The following CYTH1 variants were observed in gnomAD, a reference collection of about 807,000 sequenced individuals.
CYTH1 encodes cytohesin-1.
Under a neutral mutation model 61.8 loss-of-function variants are expected in CYTH1, and 18 were observed. The ratio of observed to expected loss-of-function variants is 0.29; its 90% CI spans 0.20 to 0.43. The LOEUF (loss-of-function observed/expected upper bound fraction) is 0.43. Ranked by LOEUF, CYTH1 falls within the 20% of genes least tolerant of loss-of-function variation. The pLI is 1.00. For synonymous variants in CYTH1, 174 were observed against 184.3 expected (o/e 0.94, Z 0.45); for missense variants, 336 against 510.5 (o/e 0.66, Z 3.29).
At chr17:78,681,922 G>GC (rs2092768644) in intron 11 of CYTH1, among the ~76,000 whole-genome samples, 1 of 151,848 alleles carries the variant, frequency 6.6e-6, no homozygotes, top group African/African-American at 2.4e-5. Flanking sequence ...ATCCTGGCTA[G>GC]CAACTATTTC....
intron 1 of CYTH1, among the ~76,000 whole-genome samples, chr17:78,710,088 C>T (rs1347300274): frequency 3.3e-5 from 5 of 152,146 alleles, no homozygotes; most frequent in Non-Finnish European, 7.4e-5. Context: ...TAATTAATCT[C>T]TCTAGGCCTC....
chr17:78,713,020 C>T (rs2093149574), intron 1 of CYTH1, among the ~76,000 whole-genome samples: 1 of 151,978 alleles, frequency 6.6e-6, no homozygotes, highest in Non-Finnish European at 1.5e-5. Flanking sequence ...TCTAACCCTG[C>T]ACCCCCGCCA....
chr17:78,737,251 T>C (rs1212675405), intron 1 of CYTH1, among the ~76,000 whole-genome samples: 1 of 152,222 alleles, frequency 6.6e-6, no homozygotes, highest in African/African-American at 2.4e-5. Flanking sequence ...TCCACTCATA[T>C]ACTTTAAATC....
intron 1 of CYTH1, among the ~76,000 whole-genome samples, chr17:78,765,730 T>C (rs1259185670): frequency 6.6e-6 from 1 of 152,098 alleles, no homozygotes; most frequent in Non-Finnish European, 1.5e-5. Flanking sequence ...CACAAGACAG[T>C]GGTGTTTCCA....
intron 1 of CYTH1, among the ~76,000 whole-genome samples, chr17:78,744,376 T>C (rs117531699): frequency 3.7e-4 from 57 of 152,304 alleles, no homozygotes; most frequent in Admixed American, 1.1e-3. Context: ...GTATCCTCTC[T>C]CTGCAGCTTA....
At chr17:78,737,883 AC>A (rs2093327198) in intron 1 of CYTH1, among the ~76,000 whole-genome samples, 2 of 81,490 alleles carry the variant, frequency 2.5e-5, no homozygotes, top group African/African-American at 6.1e-5. Context: ...ATACACACAC[AC>A]ACACACACAC....
intron 9 of CYTH1, among the ~76,000 whole-genome samples, chr17:78,697,806 G>A (rs897561837): frequency 3.3e-5 from 5 of 152,100 alleles, no homozygotes; most frequent in South Asian, 2.1e-4. Flanking sequence ...GGACAAGGTC[G>A]GCCACCCTCC....
intron 11 of CYTH1, among the ~76,000 whole-genome samples, chr17:78,687,545 T>C (rs2092829327): frequency 6.6e-6 from 1 of 152,218 alleles, no homozygotes; most frequent in Non-Finnish European, 1.5e-5. Flanking sequence ...TCCTTTCCAG[T>C]TCAGGTTCTT....
At chr17:78,685,751 C>T (rs183768089) in intron 11 of CYTH1, among the ~76,000 whole-genome samples, 17 of 152,216 alleles carry the variant, frequency 1.1e-4, no homozygotes, top group African/African-American at 4.1e-4. Context: ...TTCCAAAGTG[C>T]CGCATTTCAC....
chr17:78,712,257 C>T (rs1406006910), intron 1 of CYTH1, among the ~76,000 whole-genome samples: 1 of 152,078 alleles, frequency 6.6e-6, no homozygotes, highest in East Asian at 1.9e-4. Context: ...ATGCATTTTA[C>T]ATCATGACCC....
At chr17:78,767,546 A>C (rs1401299718) in intron 1 of CYTH1, among the ~76,000 whole-genome samples, 2 of 151,758 alleles carry the variant, frequency 1.3e-5, no homozygotes, top group African/African-American at 4.8e-5. Context: ...TGAATAGATG[A>C]ACAAATGGAT....
At chr17:78,756,051 T>C (rs934564900) in intron 1 of CYTH1, among the ~76,000 whole-genome samples, 3 of 151,306 alleles carry the variant, frequency 2.0e-5, no homozygotes, top group East Asian at 1.9e-4. Flanking sequence ...CATCAAATTG[T>C]ACACTATTTA....
intron 1 of CYTH1, among the ~76,000 whole-genome samples, chr17:78,712,617 C>G (rs1309352305): frequency 6.6e-6 from 1 of 152,064 alleles, no homozygotes; most frequent in Non-Finnish European, 1.5e-5. Flanking sequence ...GATCGTGCCA[C>G]TGCACTCCAG....
intron 12 of CYTH1, 125 bp downstream of exon 12, chr17:78,680,845 TA>T: frequency 3.2e-6 from 3 of 940,768 alleles, no homozygotes; most frequent in Non-Finnish European, 5.0e-6. Context: ...AACAATATAA[TA>T]AAAAATTAGA....
intron 1 of CYTH1, among the ~76,000 whole-genome samples, chr17:78,766,414 T>A (rs1170934953): frequency 6.6e-6 from 1 of 152,162 alleles, no homozygotes; most frequent in Non-Finnish European, 1.5e-5. Context: ...ATGTTCTGGC[T>A]CCAGGGAATC....
chr17:78,696,709 C>T (rs1356831114), intron 9 of CYTH1: 1 of 152,236 alleles, frequency 6.6e-6, no homozygotes, highest in Non-Finnish European at 1.5e-5. Context: ...TACGAGATGC[C>T]TCATGAATTT....
intron 1 of CYTH1, among the ~76,000 whole-genome samples, chr17:78,777,728 T>C (rs976013238): frequency 2.0e-5 from 3 of 151,572 alleles, no homozygotes; most frequent in South Asian, 2.1e-4. Flanking sequence ...GGCTCACACC[T>C]GTAATCCCAG....
At chr17:78,682,199 TC>T (rs1188792841) in intron 11 of CYTH1, among the ~76,000 whole-genome samples, 9 of 152,230 alleles carry the variant, frequency 5.9e-5, no homozygotes, top group African/African-American at 2.2e-4. Flanking sequence ...ATTTTTTCCT[TC>T]CTGAAAAGCT....
At chr17:78,682,150 C>A (rs898329892) in intron 11 of CYTH1, among the ~76,000 whole-genome samples, 1 of 152,138 alleles carries the variant, frequency 6.6e-6, no homozygotes, top group African/African-American at 2.4e-5. Flanking sequence ...ATTAACACCA[C>A]GTTTCTCTTC....
Sources: allele counts gnomAD v4.1 joint callset (sites outside exome capture counted in the v4.1 genomes callset), GRCh38; gene constraint gnomAD v4.1.1; transcripts MANE v1.5; gene names NCBI Gene and HGNC (gene_info 2026-07-23, HGNC 2026-07-21).